Variants in MYT1 observed in about 807,000 individuals in gnomAD.
MYT1 encodes the protein myelin transcription factor I.
Under a neutral mutation model 123.0 loss-of-function variants are expected in MYT1, and 23 were observed. That is an observed-to-expected ratio of 0.19 (90% CI 0.13 to 0.26). The LOEUF (loss-of-function observed/expected upper bound fraction) is 0.26. MYT1 is among the 10% of genes least tolerant of loss of function. The probability of loss-of-function intolerance (pLI) is 1.00; values close to 1 mark genes in which losing one functional copy is unlikely to be tolerated. For synonymous variants in MYT1, 518 were observed against 575.3 expected (o/e 0.90, Z 1.43); for missense variants, 1,125 against 1,472.5 (o/e 0.76, Z 3.86).
chr20:64,222,454 C>CT (rs1397365163), intron 14 of MYT1, among the ~76,000 whole-genome samples: 3 of 152,242 alleles, frequency 2.0e-5, no homozygotes, highest in Non-Finnish European at 2.9e-5. Flanking sequence ...CTGGAATGTA[C>CT]TGCCTTAGGG....
Position 64,235,594 on chromosome 20 carries a change from A to G in MYT1, c.2898-961A>G, listed in dbSNP as rs1164835746. 4.6e-4 allele frequency among the ~76,000 whole-genome samples: 49 copies of G among 106,278 alleles called. No homozygotes were observed. The South Asian group carries it at 4.8e-3, about 10-fold the overall frequency. 69.7% of individuals were successfully genotyped at this position (106,278 alleles called of 152,430 possible). A position where few individuals can be genotyped will look rare whatever the true frequency, so the allele number is the denominator to read the frequency against. On this transcript the variant is annotated intron_variant, in intron 19 of 22. Transcript: ENST00000328439. ...CATGGTGTGTGACCCGGGGCTGGCC[A>G]TGGTGGGTGACCCCGAGCTGGCTGT...
At chr20:64,209,503 C>A (rs71325499) in intron 7 of MYT1, among the ~76,000 whole-genome samples, 12,829 of 152,290 alleles carry the variant, frequency 0.084, 707 homozygotes, top group Middle Eastern at 0.2. Context: ...TGCATCTCTT[C>A]TCCAGGTGGA....
At chr20:64,199,993 C>A in intron 4 of MYT1, 71 bp downstream of exon 4, 2 of 1,570,698 alleles carry the variant, frequency 1.3e-6, no homozygotes, top group Non-Finnish European at 1.8e-6. Flanking sequence ...CCTAAATGTC[C>A]CAAACGGGGT....
intron 1 of MYT1, among the ~76,000 whole-genome samples, chr20:64,176,572 G>A (rs1216058406): frequency 1.3e-5 from 2 of 152,258 alleles, no homozygotes; most frequent in Admixed American, 6.5e-5. Context: ...CTTGTCCTGG[G>A]TGTGGGGCGA....
chr20:64,182,749 G>A (rs1185629482), intron 1 of MYT1, among the ~76,000 whole-genome samples: 1 of 152,122 alleles, frequency 6.6e-6, no homozygotes, highest in Non-Finnish European at 1.5e-5. Context: ...CGGTCCAGAG[G>A]CTGGCCCAGG....
intron 2 of MYT1, among the ~76,000 whole-genome samples, chr20:64,194,390 C>G (rs551353572): frequency 2.6e-5 from 4 of 152,372 alleles, no homozygotes; most frequent in East Asian, 3.9e-4. Context: ...GCAGAGCTCT[C>G]TGTTTCTTGA....
intron 1 of MYT1, among the ~76,000 whole-genome samples, chr20:64,169,652 G>T (rs1050612073): frequency 1.3e-5 from 2 of 152,218 alleles, no homozygotes; most frequent in Admixed American, 6.5e-5. Context: ...TGCTCACCCT[G>T]CCCTTACCAA....
rs993747429 is a variant in MYT1 at position 64,239,834 on chromosome 20, G to A, written c.3168G>A (p.Leu1056=). The A allele has an allele frequency of 1.2e-6, 2 of 1,613,948 alleles. No homozygotes were observed. Among genetic ancestry groups the A allele is most frequent in the Non-Finnish European group, 1.7e-6 (2 of 1,180,036 alleles). The change falls in exon 22 of 23, where the codon CTG becomes CTA. Residue 1056 remains leucine (L), a synonymous_variant. Transcript: ENST00000328439. ...TCATTGAGGAGCAGAATGAAGCCCTGTTTCTGGAGCTGTCCGGCCTGAGCC... is the reference window on the plus strand; with the variant it reads ...TCATTGAGGAGCAGAATGAAGCCCTATTTCTGGAGCTGTCCGGCCTGAGCC... ...NKLIEEQNEA[L]FLELSGLSQA... is the part of the protein sequence containing the mutation.
At chr20:64,197,513 G>T (rs1192674793) in intron 2 of MYT1, among the ~76,000 whole-genome samples, 1 of 152,196 alleles carries the variant, frequency 6.6e-6, no homozygotes. Context: ...TCTGGTGTCT[G>T]TGGCCTGGGA....
At position 64,211,003 on chromosome 20, in the gene MYT1, A is replaced by C. The variant is rs182963816; in HGVS notation, c.1292-203A>C. Among the ~76,000 whole-genome samples the C allele has an allele frequency of 2.7e-3, 417 of 152,350 alleles. 2 individuals are homozygous for C. Among genetic ancestry groups the C allele is most frequent in the African/African-American group, 9.6e-3 (401 of 41,586 alleles). On this transcript the variant is annotated intron_variant, in intron 7 of 22. Coordinates refer to ENST00000328439, the MANE Select transcript of MYT1 (RefSeq NM_004535.3). ...TATTTGGGATTGTCAGGGCAGCCTCAGGGCTTCCGCACAGGCAGCCAGTGT... is the reference window on the plus strand; with the variant it reads ...TATTTGGGATTGTCAGGGCAGCCTCCGGGCTTCCGCACAGGCAGCCAGTGT...
At position 64,232,361 on chromosome 20, in the gene MYT1, A is replaced by T. The variant is rs1178182699; in HGVS notation, c.2873A>T (p.Asn958Ile). The T allele has an allele frequency of 6.2e-7, 1 of 1,612,874 alleles. No homozygotes were observed. Among genetic ancestry groups the T allele is most frequent in the African/African-American group, 1.3e-5 (1 of 74,928 alleles). ...GGCTGTGACGGCTCTGGCCACGCCA[A>T]TGGGAGTTTCCTCACCCACCGGAGG... ...TPGCDGSGHANGSFLTHRSLS... is the reference protein window; with the variant it reads ...TPGCDGSGHAIGSFLTHRSLS... Residue 958 changes from asparagine (N) to isoleucine (I), a missense_variant, in exon 19 of 23, where the codon AAT (asparagine) becomes ATT (isoleucine). Physicochemically the swap from Asn to Ile is moderately radical, Grantham distance 149 (BLOSUM62 -3). Transcript: ENST00000328439. The surrounding 1 kb of genome is among the most constrained non-coding windows in gnomAD (Gnocchi z 6.9).
At chr20:64,194,638 A>C (rs1983053961) in intron 2 of MYT1, among the ~76,000 whole-genome samples, 1 of 152,232 alleles carries the variant, frequency 6.6e-6, no homozygotes, top group African/African-American at 2.4e-5. Context: ...GGGAGGAAGC[A>C]TGAAAAAGGA....
chr20:64,240,584 G>C lies in MYT1; in HGVS notation c.*136G>C. 1 of 1,304,472 alleles carries C rather than the reference G, an allele frequency of 7.7e-7. No individual in the cohort carries two copies. 80.8% of individuals were successfully genotyped at this position (1,304,472 alleles called of 1,614,324 possible). The stretch of plus-strand genomic sequence containing the variant: ...GTGGCCGCGGGCGGGTTTATCCAAA[G>C]GGATGGCTGGAAATTGGCCGCTCCC... On this transcript the variant is annotated 3_prime_UTR_variant, in exon 23 of 23. Transcript: ENST00000328439.
Position 64,207,654 on chromosome 20 carries a change from C to T in MYT1, c.458C>T (p.Ser153Phe), listed in dbSNP as rs749675190. The T allele has an allele frequency of 2.5e-6, 4 of 1,613,914 alleles. No homozygotes were observed. In the East Asian group the frequency reaches 8.9e-5, roughly 36 times the overall value. ...SNPIGSATAS[S>F]KGSYSSYQGI... The stretch of plus-strand genomic sequence containing the variant: ...CCCATCGGCAGCGCCACTGCCTCCT[C>T]CAAGGGCAGCTACAGCAGCTACCAG... The change falls in exon 7 of 23, where the codon TCC becomes TTC. Residue 153 changes from serine (S) to phenylalanine (F), a missense_variant. This residue lies in a region of MYT1 where 406 missense variants were observed against 432.2 expected (regional missense o/e 0.94). Coordinates refer to ENST00000328439, the MANE Select transcript of MYT1 (RefSeq NM_004535.3).
At chr20:64,187,125 C>T (rs1982831490) in intron 1 of MYT1, among the ~76,000 whole-genome samples, 3 of 145,660 alleles carry the variant, frequency 2.1e-5, no homozygotes, top group East Asian at 2.1e-4. Flanking sequence ...TCCTGTGGCA[C>T]GTGGCCCCGG....
At chr20:64,182,276 T>C (rs1276815177) in intron 1 of MYT1, among the ~76,000 whole-genome samples, 1 of 152,226 alleles carries the variant, frequency 6.6e-6, no homozygotes, top group African/African-American at 2.4e-5. Flanking sequence ...AGGCCTGCCC[T>C]CTCCAGGGAA....
At chr20:64,238,958 A>G (rs561901309) in intron 21 of MYT1, among the ~76,000 whole-genome samples, 7 of 152,156 alleles carry the variant, frequency 4.6e-5, no homozygotes, top group Admixed American at 2.6e-4. Flanking sequence ...TCAAAGCCAC[A>G]TGCTTGTCAC....
At position 64,211,363 on chromosome 20, in the gene MYT1, A is replaced by C. The variant is rs751685311; in HGVS notation, c.1426+23A>C. 2.5e-6 allele frequency: 4 copies of C among 1,598,510 alleles called. No homozygotes were observed. In the Admixed American group the frequency reaches 6.7e-5, roughly 27 times the overall value. On this transcript the variant is annotated intron_variant, in intron 8 of 22. Coordinates refer to ENST00000328439, the MANE Select transcript of MYT1 (RefSeq NM_004535.3). ...AGAGTGAGTAGCTCTGTGCAGCGTT[A>C]GCCCTAACTGTGAAGCTCACGCTGC...
At chr20:64,169,325 A>T (rs1982174567) in intron 1 of MYT1, among the ~76,000 whole-genome samples, 1 of 152,218 alleles carries the variant, frequency 6.6e-6, no homozygotes, top group Non-Finnish European at 1.5e-5. Context: ...CACAGACCCG[A>T]GGCGCGTCCC....
Sources: allele counts gnomAD v4.1 joint callset (sites outside exome capture counted in the v4.1 genomes callset), GRCh38; gene constraint gnomAD v4.1.1; regional missense constraint gnomAD v4.1.1; non-coding constraint Gnocchi (gnomAD v3.1); transcripts MANE v1.5; gene names NCBI Gene and HGNC (gene_info 2026-07-23, HGNC 2026-07-21).